CUL4A: variants seen among roughly 807,000 people sequenced by gnomAD.
CUL4A encodes cullin 4A, also known as cullin-4A.
CUL4A carries 16 observed loss-of-function variants against 95.5 expected under a neutral mutation model. That is an observed-to-expected ratio of 0.17 (90% CI 0.11 to 0.25). CUL4A has a LOEUF of 0.25. CUL4A is among the 10% of genes least tolerant of loss of function. The probability of loss-of-function intolerance (pLI) is 1.00; values close to 1 mark genes in which losing one functional copy is unlikely to be tolerated. For synonymous variants in CUL4A, 380 were observed against 353.1 expected, an observed-to-expected ratio of 1.08 and a Z score of -0.85; for missense variants, 610 against 937.0, an observed-to-expected ratio of 0.65 and a Z score of 4.56.
chr13:113,232,831 G>T (rs921003087), intron 5 of CUL4A, among the ~76,000 whole-genome samples: 1 of 152,148 alleles, frequency 6.6e-6, no homozygotes, highest in Non-Finnish European at 1.5e-5. Context: ...GGCAGGCAGG[G>T]TCGTGGTGCC....
intron 8 of CUL4A, 40 bp downstream of exon 8, chr13:113,235,185 A>T (rs2287251): frequency 7.2e-7 from 1 of 1,386,056 alleles, no homozygotes; most frequent in Admixed American, 1.8e-5. Flanking sequence ...TATCTTCACC[A>T]TGGCTGGAAG....
At chr13:113,261,158 G>C (rs1337475443) in intron 19 of CUL4A, among the ~76,000 whole-genome samples, 1 of 152,184 alleles carries the variant, frequency 6.6e-6, no homozygotes, top group Non-Finnish European at 1.5e-5. Context: ...CACGGTAATA[G>C]TCTACTGTTG....
intron 5 of CUL4A, among the ~76,000 whole-genome samples, chr13:113,230,371 C>G (rs1246869829): frequency 1.3e-5 from 2 of 152,188 alleles, no homozygotes. Flanking sequence ...ATCCAGCAAG[C>G]ATTTTTGTCC....
chr13:113,232,311 ACTG>A (rs1468307423), intron 5 of CUL4A, among the ~76,000 whole-genome samples: 2 of 150,492 alleles, frequency 1.3e-5, no homozygotes, highest in African/African-American at 4.9e-5. Context: ...CACCACTATT[ACTG>A]CTGCTGCCAC....
chr13:113,260,632 A>T lies in CUL4A; in HGVS notation c.2057A>T (p.Glu686Val), dbSNP rs1341671852. The T allele has an allele frequency of 5.0e-6, 8 of 1,611,948 alleles. No homozygotes were observed. The highest frequency in any genetic ancestry group is 4.4e-5 in the South Asian group (4 of 90,404). Residue 686 changes from glutamate to valine, a missense_variant, in exon 19 of 20, where the codon GAG becomes GTG. Physicochemically the swap from Glu to Val is moderately radical, Grantham distance 121. Transcript: ENST00000375440. ...GTTGAGGAACAGGTTAGCACCACTG[A>T]GAGAGTGTTTCAGGATAGACAATAT... is the stretch of plus-strand genomic sequence containing the variant. ...ETVEEQVSTT[E>V]RVFQDRQYQI...
At chr13:113,232,011 G>GCCA (rs1183674336) in intron 5 of CUL4A, among the ~76,000 whole-genome samples, 1 of 67,744 alleles carries the variant, frequency 1.5e-5, no homozygotes, top group African/African-American at 3.9e-5. Context: ...TGTTACTACT[G>GCCA]CCACCACCAC....
intron 16 of CUL4A, among the ~76,000 whole-genome samples, chr13:113,254,217 G>C (rs1405360161): frequency 6.6e-6 from 1 of 152,088 alleles, no homozygotes; most frequent in Non-Finnish European, 1.5e-5. Flanking sequence ...CTGACCTGGA[G>C]GCATGTGGCA....
At chr13:113,237,993 AAT>A (rs2041599747) in intron 9 of CUL4A, among the ~76,000 whole-genome samples, 1 of 152,244 alleles carries the variant, frequency 6.6e-6, no homozygotes, top group Non-Finnish European at 1.5e-5. Context: ...TGGTGCCTGG[AAT>A]CACATTGCTT....
chr13:113,250,307 C>T (rs1249915629), intron 15 of CUL4A, among the ~76,000 whole-genome samples: 5 of 152,038 alleles, frequency 3.3e-5, no homozygotes, highest in African/African-American at 1.2e-4. Context: ...GACAGATTAG[C>T]CGCATGTCGT....
chr13:113,247,935 C>G (rs2041897141), intron 15 of CUL4A, among the ~76,000 whole-genome samples: 1 of 152,144 alleles, frequency 6.6e-6, no homozygotes, highest in Non-Finnish European at 1.5e-5. Context: ...AGCCCAGGAC[C>G]CAGGCGGCCT....
In CUL4A at chr13:113,232,418, CT is replaced by C. The variant is rs1449785822; in HGVS notation, c.513-758del. ...ACTGCTGCCACCACCACCACTATTA[CT>C]ATTACTGCCACCACCAGCACCACTC... On this transcript the variant is annotated intron_variant, in intron 5 of 19. Coordinates refer to ENST00000375440, the MANE Select transcript of CUL4A (RefSeq NM_001008895.4). Among the ~76,000 whole-genome samples, 104 of 109,930 alleles carry C rather than the reference CT, an allele frequency of 9.5e-4. 1 individual carries two copies. The highest frequency in any genetic ancestry group is 1.5e-3 in the Non-Finnish European group (71 of 47,328). The allele number at this position is 109,930 out of a possible 152,430, so 72.1% of individuals were successfully genotyped here.
At chr13:113,233,103 C>T (rs1216733875) in intron 5 of CUL4A, 74 bp from the exon 6 acceptor site, 1 of 1,466,514 alleles carries the variant, frequency 6.8e-7, no homozygotes, top group African/African-American at 1.4e-5. Context: ...TATTGAATAG[C>T]ATAGCTGGAG....
At chr13:113,247,131 A>G (rs1024661301) in intron 15 of CUL4A, among the ~76,000 whole-genome samples, 1 of 152,074 alleles carries the variant, frequency 6.6e-6, no homozygotes, top group Non-Finnish European at 1.5e-5. Flanking sequence ...CTCCTTAACA[A>G]TCAGATCTCG....
At chr13:113,209,929 T>G (rs2139053120) in intron 1 of CUL4A, 44 bp from the exon 2 acceptor site, 3 of 1,406,876 alleles carry the variant, frequency 2.1e-6, no homozygotes, top group East Asian at 3.2e-5. Flanking sequence ...CGCGGGGCGC[T>G]TCGCGGCGCG....
rs1184993312 is a variant in CUL4A, at chr13:113,265,221, A to G, written c.*1639A>G. ...ATACCAGTGGGGCCAGGTAGTGACA[A>G]GTGGGTCTTTTTTACTTGGACGATT... On this transcript the variant is annotated 3_prime_UTR_variant, in exon 20 of 20. Coordinates refer to ENST00000375440, the MANE Select transcript of CUL4A (RefSeq NM_001008895.4). 6.6e-6 allele frequency: 1 copy of G among 152,106 alleles called. No homozygotes were observed. Among genetic ancestry groups the G allele is most frequent in the Non-Finnish European group, 1.5e-5 (1 of 68,048 alleles). 9.4% of individuals were successfully genotyped at this position (152,106 alleles called of 1,614,324 possible). A position where few individuals can be genotyped will look rare whatever the true frequency, so the allele number is the denominator to read the frequency against.
rs548177321 is a variant in CUL4A, at chr13:113,242,926, T to C, written c.1036-42T>C. On this transcript the variant is annotated intron_variant, in intron 10 of 19. Coordinates refer to ENST00000375440, the MANE Select transcript of CUL4A (RefSeq NM_001008895.4). ...TAGCAGGAGAAGATACTGTTTGCTATTGTAAACATGTTGCTGAGTTGGTAT... is the reference window on the plus strand; with the variant it reads ...TAGCAGGAGAAGATACTGTTTGCTACTGTAAACATGTTGCTGAGTTGGTAT... 3.8e-5 allele frequency: 57 copies of C among 1,513,026 alleles called. No homozygotes were observed. The South Asian group carries it at 5.1e-4, about 13-fold the overall frequency. The allele number at this position is 1,513,026 out of a possible 1,614,324, so 93.7% of individuals were successfully genotyped here. A position where few individuals can be genotyped will look rare whatever the true frequency, so the allele number is the denominator to read the frequency against.
intron 5 of CUL4A, chr13:113,230,336 A>G (rs572167004): frequency 6.6e-6 from 1 of 152,510 alleles, no homozygotes; most frequent in East Asian, 1.9e-4. Context: ...CTTGTCTGAG[A>G]TGTCGGTGAC....
chr13:113,223,106 C>T (rs1347342096), intron 3 of CUL4A, among the ~76,000 whole-genome samples: 2 of 152,120 alleles, frequency 1.3e-5, no homozygotes, highest in Admixed American at 6.5e-5. Context: ...AGGCTACATT[C>T]GTACGTTAAC....
chr13:113,211,475 C>G (rs2040442556), intron 2 of CUL4A, among the ~76,000 whole-genome samples: 1 of 152,236 alleles, frequency 6.6e-6, no homozygotes, highest in South Asian at 2.1e-4. Context: ...ACCTCCACCT[C>G]GCAGGTTCAA....
Sources: allele counts gnomAD v4.1 joint callset (sites outside exome capture counted in the v4.1 genomes callset), GRCh38; gene constraint gnomAD v4.1.1; transcripts MANE v1.5; gene names NCBI Gene and HGNC (gene_info 2026-07-23, HGNC 2026-07-21).